Variants in CD53 observed in about 807,000 individuals in gnomAD.
The protein encoded by CD53 is leukocyte surface antigen CD53.
CD53 carries 20 observed loss-of-function variants against 27.3 expected under a neutral mutation model. That is an observed-to-expected ratio of 0.73 (90% CI 0.52 to 1.07). The LOEUF (loss-of-function observed/expected upper bound fraction) is 1.07, where lower values mean the gene tolerates loss of function less well. CD53 is among the 50% of genes least tolerant of loss of function. CD53 has a pLI of 0.00. For missense variants in CD53, 216 were observed against 264.0 expected (o/e 0.82, Z 1.26); for synonymous variants, 106 against 105.3 (o/e 1.01, Z -0.04).
chr1:110,883,883 T>G (rs2101047196), intron 1 of CD53, among the ~76,000 whole-genome samples: 1 of 152,122 alleles, frequency 6.6e-6, no homozygotes, highest in East Asian at 1.9e-4. Context: ...TGTTGTTCTC[T>G]CAATCCTAAT....
chr1:110,887,496 G>A (rs1656674991), intron 1 of CD53, among the ~76,000 whole-genome samples: 1 of 152,174 alleles, frequency 6.6e-6, no homozygotes. Context: ...GTGAATCTAT[G>A]TGTAAATTTT....
At chr1:110,893,288 A>C (rs1656927831) in intron 3 of CD53, among the ~76,000 whole-genome samples, 2 of 152,080 alleles carry the variant, frequency 1.3e-5, no homozygotes. Context: ...TTATGGTTCA[A>C]CATTTTGGTG....
chr1:110,881,617 A>T (rs557553723), intron 1 of CD53, among the ~76,000 whole-genome samples: 1 of 152,304 alleles, frequency 6.6e-6, no homozygotes, highest in African/African-American at 2.4e-5. Flanking sequence ...CTCTTGGGTA[A>T]ATACCTAGGA....
At chr1:110,874,240 G>C (rs931163639) in intron 1 of CD53, among the ~76,000 whole-genome samples, 5 of 152,176 alleles carry the variant, frequency 3.3e-5, no homozygotes, top group Non-Finnish European at 7.3e-5. Flanking sequence ...AGAGGGGTGG[G>C]GACGGGGAGA....
intron 1 of CD53, among the ~76,000 whole-genome samples, chr1:110,888,737 T>C (rs895659581): frequency 2.0e-5 from 3 of 152,204 alleles, no homozygotes; most frequent in African/African-American, 7.2e-5. Context: ...TATTGAAAAA[T>C]TACTGATATA....
At chr1:110,894,799 C>G (rs2070749) in intron 4 of CD53, among the ~76,000 whole-genome samples, 161 bp from the exon 5 acceptor site, 14 of 152,010 alleles carry the variant, frequency 9.2e-5, no homozygotes, top group Non-Finnish European at 7.4e-5. Flanking sequence ...CATGCTCAGC[C>G]TGTATGCCCA....
In CD53 at chr1:110,899,176, G is replaced by A. The variant is rs779650065; in HGVS notation, c.641G>A (p.Ser214Asn). Residue 214 changes from serine to asparagine, a missense_variant, in exon 8 of 8, where the codon AGC becomes AAC. By Grantham distance (46) the Ser-to-Asn change is conservative. Coordinates refer to ENST00000271324, the MANE Select transcript of CD53 (RefSeq NM_000560.4). ...LTLNCQIDKT[S>N]QTIGL ...CTGAACTGCCAGATTGACAAAACCA[G>A]CCAGACCATAGGGCTATGATCTGCA... 19 of 1,613,322 alleles carry A rather than the reference G, an allele frequency of 1.2e-5. No homozygotes were observed. The highest frequency in any genetic ancestry group is 1.7e-5 in the Admixed American group (1 of 59,986).
At chr1:110,894,093 G>C (rs192863314) in intron 3 of CD53, among the ~76,000 whole-genome samples, 2 of 152,334 alleles carry the variant, frequency 1.3e-5, no homozygotes, top group African/African-American at 4.8e-5. Flanking sequence ...GTAGTGCTCT[G>C]ATAGGCACAG....
chr1:110,882,813 T>G (rs1458857969), intron 1 of CD53, among the ~76,000 whole-genome samples: 1 of 152,064 alleles, frequency 6.6e-6, no homozygotes, highest in Non-Finnish European at 1.5e-5. Flanking sequence ...AAGTATTTCA[T>G]ATATGATGCT....
intron 1 of CD53, among the ~76,000 whole-genome samples, chr1:110,884,484 T>C (rs1656488116): frequency 6.6e-6 from 1 of 152,126 alleles, no homozygotes; most frequent in Non-Finnish European, 1.5e-5. Flanking sequence ...TTAGTTTAAG[T>C]TGACTGATGC....
chr1:110,894,081 A>G (rs1245907975), intron 3 of CD53, among the ~76,000 whole-genome samples: 1 of 152,262 alleles, frequency 6.6e-6, no homozygotes, highest in Non-Finnish European at 1.5e-5. Flanking sequence ...TGTATTATGC[A>G]TGTAGTGCTC....
intron 7 of CD53, among the ~76,000 whole-genome samples, chr1:110,898,728 G>A (rs1186027760): frequency 6.6e-6 from 1 of 151,936 alleles, no homozygotes; most frequent in East Asian, 1.9e-4. Flanking sequence ...GTATATCATA[G>A]ATTAGTTAAA....
Position 110,878,131 on chromosome 1 carries a change from T to TATTA in CD53, c.-18+4883_-18+4884insATTA, listed in dbSNP as rs1656197809. 6.6e-5 allele frequency among the ~76,000 whole-genome samples: 10 copies of TATTA among 152,330 alleles called. No individual in the cohort carries two copies. The South Asian group carries it at 2.1e-3, about 32-fold the overall frequency. Reference sequence around the variant, plus strand: ...TTCTCTATTTGCAGAATGGGGCTAATGACACCTAAGTTGTCAGGCCGATTT... The same window carrying TATTA: ...TTCTCTATTTGCAGAATGGGGCTAATATTAGACACCTAAGTTGTCAGGCCGATTT... On this transcript the variant is annotated intron_variant, in intron 1 of 7. Coordinates refer to ENST00000271324, the MANE Select transcript of CD53 (RefSeq NM_000560.4).
At chr1:110,897,773 T>G in intron 6 of CD53, 36 bp from the exon 7 acceptor site, 1 of 1,249,878 alleles carries the variant, frequency 8.0e-7, no homozygotes, top group Non-Finnish European at 1.2e-6. Flanking sequence ...GGTGGAATTA[T>G]AGAGTAGTAT....
In CD53 at chr1:110,895,050, T is replaced by A; in HGVS notation, c.418T>A (p.Ser140Thr). The A allele has an allele frequency of 6.2e-7, 1 of 1,610,742 alleles. No homozygotes were observed. The highest frequency in any genetic ancestry group is 8.5e-7 in the Non-Finnish European group (1 of 1,177,048). ...CAAGGCAGCGTGGGACTCCATCCAG[T>A]CATTTGTGAGTACAGGTGGAATCCT... ...STKAAWDSIQ[S>T]FLQCCGINGT... The change falls in exon 5 of 8, where the codon TCA becomes ACA. Residue 140 changes from serine (S) to threonine (T), a missense_variant. Physicochemically the swap from Ser to Thr is moderately conservative, Grantham distance 58. Transcript: ENST00000271324.
intron 1 of CD53, among the ~76,000 whole-genome samples, chr1:110,877,742 A>T (rs1656181509): frequency 6.6e-6 from 1 of 152,234 alleles, no homozygotes; most frequent in East Asian, 1.9e-4. Flanking sequence ...AAGATAACAG[A>T]TATTCCTTGA....
At position 110,892,444 on chromosome 1, in the gene CD53, G is replaced by A. The variant is rs377654216; in HGVS notation, c.163G>A (p.Val55Met). The change falls in exon 3 of 8, where the codon GTG becomes ATG. Residue 55 changes from valine to methionine, a missense_variant. Coordinates refer to ENST00000271324, the MANE Select transcript of CD53 (RefSeq NM_000560.4). Reference protein sequence around the residue: ...HNLPSLTLGNVFVIVGSIIMV... With the variant: ...HNLPSLTLGNMFVIVGSIIMV... The stretch of plus-strand genomic sequence containing the variant: ...CCTCCCCTCCCTCACGCTGGGCAAT[G>A]TGTTTGTCATCGTGGGCTCTATTAT... 7.8e-5 allele frequency: 126 copies of A among 1,613,892 alleles called. 1 individual carries two copies. Among genetic ancestry groups the A allele is most frequent in the Middle Eastern group, 1.6e-4 (1 of 6,084 alleles).
intron 1 of CD53, among the ~76,000 whole-genome samples, chr1:110,889,176 G>A (rs1377526388): frequency 6.6e-6 from 1 of 152,100 alleles, no homozygotes; most frequent in Non-Finnish European, 1.5e-5. Context: ...CTTACTCTAT[G>A]AGATATTTTG....
intron 2 of CD53, among the ~76,000 whole-genome samples, 176 bp downstream of exon 2, chr1:110,891,647 A>G (rs1656858763): frequency 6.6e-6 from 1 of 152,186 alleles, no homozygotes; most frequent in Admixed American, 6.5e-5. Context: ...GCCACAGAAT[A>G]AACCTGCAAA....
Sources: gnomAD v4.1 joint callset for allele counts (sites outside exome capture counted in the v4.1 genomes callset) on GRCh38, gnomAD v4.1.1 for gene constraint, MANE v1.5 for transcripts, NCBI Gene and HGNC (gene_info 2026-07-23, HGNC 2026-07-21) for gene names.